ZNF827: variants seen among roughly 807,000 people sequenced by gnomAD.
The protein encoded by ZNF827 is zinc finger protein 827.
In ZNF827, 13 loss-of-function variants were observed where a neutral mutation model predicts 102.4. That is an observed-to-expected ratio of 0.13 (90% CI 0.08 to 0.20). The LOEUF is 0.20. ZNF827 is among the 10% of genes least tolerant of loss of function. The pLI, the probability that ZNF827 is intolerant of heterozygous loss-of-function variation, is 1.00. For synonymous variants in ZNF827, 523 were observed against 536.2 expected (o/e 0.98, Z 0.34); for missense variants, 1,103 against 1,344.4 (o/e 0.82, Z 2.81).
intron 5 of ZNF827, among the ~76,000 whole-genome samples, chr4:145,859,481 G>A (rs984592012): frequency 2.6e-5 from 4 of 152,098 alleles, no homozygotes; most frequent in South Asian, 2.1e-4. Context: ...TGTGGGAGTC[G>A]TTGGACTGTG....
intron 1 of ZNF827, among the ~76,000 whole-genome samples, chr4:145,923,933 A>G (rs1291061301): frequency 6.6e-6 from 1 of 152,234 alleles, no homozygotes; most frequent in Non-Finnish European, 1.5e-5. Flanking sequence ...TGTCTTAGAG[A>G]AATTCACACT....
chr4:145,859,271 G>A (rs1260780020), intron 5 of ZNF827, among the ~76,000 whole-genome samples: 1 of 152,094 alleles, frequency 6.6e-6, no homozygotes, highest in Non-Finnish European at 1.5e-5. Context: ...AACAGGGCTT[G>A]GAAAATGGTA....
chr4:145,908,103 T>G (rs1207287193), intron 1 of ZNF827, among the ~76,000 whole-genome samples: 3 of 152,224 alleles, frequency 2.0e-5, no homozygotes, highest in Non-Finnish European at 4.4e-5. Flanking sequence ...ATGCATTTAA[T>G]TGGACCAATA....
chr4:145,893,443 C>G (rs972867363), intron 2 of ZNF827, among the ~76,000 whole-genome samples: 1 of 152,078 alleles, frequency 6.6e-6, no homozygotes, highest in Non-Finnish European at 1.5e-5. Flanking sequence ...ATATAAAAAG[C>G]ACTTTTAAAA....
intron 8 of ZNF827, among the ~76,000 whole-genome samples, chr4:145,817,129 G>C (rs1468619182): frequency 6.6e-6 from 1 of 152,164 alleles, no homozygotes; most frequent in East Asian, 1.9e-4. Context: ...TAAAGAAAGA[G>C]AATGCCCCAG....
At chr4:145,853,379 T>C (rs1471121584) in intron 5 of ZNF827, among the ~76,000 whole-genome samples, 3 of 152,218 alleles carry the variant, frequency 2.0e-5, no homozygotes, top group African/African-American at 7.2e-5. Context: ...TTAGAATCTC[T>C]TCCCAAAATA....
intron 1 of ZNF827, 94 bp from the exon 2 acceptor site, chr4:145,903,309 C>T: frequency 3.4e-6 from 5 of 1,475,166 alleles, no homozygotes; most frequent in Non-Finnish European, 4.5e-6. Context: ...GCTTTCTCTT[C>T]CCTTCCACCC....
chr4:145,935,987 T>A (rs1020805184), intron 1 of ZNF827, among the ~76,000 whole-genome samples: 5 of 151,830 alleles, frequency 3.3e-5, no homozygotes, highest in Non-Finnish European at 7.4e-5. Context: ...TTTTTTTTTT[T>A]AAAGCAGGGG....
intron 10 of ZNF827, 46 bp from the exon 11 acceptor site, chr4:145,774,718 A>C (rs1222668987): frequency 3.2e-6 from 5 of 1,587,092 alleles, no homozygotes; most frequent in Non-Finnish European, 4.3e-6. Context: ...AAAGGGTGAC[A>C]CATACTTCTA....
intron 7 of ZNF827, among the ~76,000 whole-genome samples, chr4:145,833,745 C>T (rs1316546880): frequency 2.0e-5 from 3 of 151,302 alleles, no homozygotes; most frequent in Non-Finnish European, 2.9e-5. Context: ...TATATCTCTG[C>T]ACCCCAATCC....
At chr4:145,856,700 C>T (rs958802553) in intron 5 of ZNF827, among the ~76,000 whole-genome samples, 1 of 150,822 alleles carries the variant, frequency 6.6e-6, no homozygotes, top group Non-Finnish European at 1.5e-5. Flanking sequence ...CACACACACA[C>T]ACACACACAC....
chr4:145,902,817 C>G lies in ZNF827; in HGVS notation c.442G>C (p.Val148Leu). The change falls in exon 2 of 15, where the codon GTA becomes CTA. Residue 148 changes from valine (V) to leucine (L), a missense_variant. By Grantham distance (32) the Val-to-Leu change is conservative. Transcript: ENST00000508784. This position sits in a 1 kb window ranked among gnomAD's most constrained non-coding sequence, Gnocchi z 4.3. ...ATANGRVESP[V>L]NVGSNLSFSP... ...AAGGAGAGGTTCGAGCCAACGTTTA[C>G]GGGGGACTCCACTCTGCCATTAGCC... 1 of 1,614,076 alleles carries G rather than the reference C, an allele frequency of 6.2e-7. No homozygotes were observed. Among genetic ancestry groups the G allele is most frequent in the Non-Finnish European group, 8.5e-7 (1 of 1,179,996 alleles).
At chr4:145,820,981 T>C (rs569199631) in intron 8 of ZNF827, among the ~76,000 whole-genome samples, 4 of 152,330 alleles carry the variant, frequency 2.6e-5, no homozygotes, top group African/African-American at 9.6e-5. Flanking sequence ...CTAAAATAAA[T>C]GTAGATTCAT....
At chr4:145,855,728 A>G (rs996448464) in intron 5 of ZNF827, among the ~76,000 whole-genome samples, 1 of 152,226 alleles carries the variant, frequency 6.6e-6, no homozygotes, top group African/African-American at 2.4e-5. Context: ...ATTCCACAGA[A>G]GTCTGAAATT....
In ZNF827 at chr4:145,938,597, CTTCTT is replaced by C. The variant is rs1051869801; in HGVS notation, c.-195_-191del. 8 of 482,774 alleles carry C rather than the reference CTTCTT, an allele frequency of 1.7e-5. No homozygotes were observed. The highest frequency in any genetic ancestry group is 2.6e-5 in the Non-Finnish European group (7 of 271,142). 29.9% of individuals were successfully genotyped at this position (482,774 alleles called of 1,614,324 possible). On this transcript the variant is annotated 5_prime_UTR_variant, in exon 1 of 15. Coordinates refer to ENST00000508784, the MANE Select transcript of ZNF827 (RefSeq NM_001306215.2). ...TTCCTGGAGCCAGAAGAGGGGTTTT[CTTCTT>C]TTCTTTCCTTTCTTTTTTCCTTTTT...
intron 8 of ZNF827, among the ~76,000 whole-genome samples, chr4:145,794,765 T>C (rs1740204297): frequency 6.6e-6 from 1 of 152,156 alleles, no homozygotes; most frequent in Non-Finnish European, 1.5e-5. Context: ...GGTTTTTACT[T>C]GTCAAGACCT....
chr4:145,855,242 AAG>A (rs531985364), intron 5 of ZNF827, among the ~76,000 whole-genome samples: 239 of 152,340 alleles, frequency 1.6e-3, no homozygotes, highest in Non-Finnish European at 2.5e-3. Context: ...AGAAGCTTAA[AAG>A]AGCCTCTAAA....
At chr4:145,851,510 TA>T (rs1472668336) in intron 5 of ZNF827, among the ~76,000 whole-genome samples, 2 of 151,934 alleles carry the variant, frequency 1.3e-5, no homozygotes, top group African/African-American at 2.4e-5. Flanking sequence ...GACCGGTAGT[TA>T]AAAAAAAGAA....
intron 8 of ZNF827, among the ~76,000 whole-genome samples, chr4:145,799,900 G>A (rs1740721943): frequency 6.6e-6 from 1 of 152,152 alleles, no homozygotes; most frequent in African/African-American, 2.4e-5. Flanking sequence ...AAGAGAGAAG[G>A]AGCCTTAGAG....
Sources: allele counts gnomAD v4.1 joint callset (sites outside exome capture counted in the v4.1 genomes callset), GRCh38; gene constraint gnomAD v4.1.1; non-coding constraint Gnocchi (gnomAD v3.1); transcripts MANE v1.5; gene names NCBI Gene and HGNC (gene_info 2026-07-23, HGNC 2026-07-21).